CDH12: variants seen among roughly 807,000 people sequenced by gnomAD.
CDH12 encodes the protein cadherin-12.
CDH12 carries 41 observed loss-of-function variants against 74.1 expected under a neutral mutation model. The ratio of observed to expected loss-of-function variants is 0.55; its 90% CI spans 0.43 to 0.72. The LOEUF is 0.72. Among genes scored for constraint, CDH12 ranks in the 30% least tolerant of loss-of-function variants. CDH12 has a pLI of 0.00. For synonymous variants in CDH12, 399 were observed against 355.0 expected, an observed-to-expected ratio of 1.12 and a Z score of -1.39; for missense variants, 945 against 977.2, an observed-to-expected ratio of 0.97 and a Z score of 0.44.
At chr5:22,610,546 C>A (rs1737345187) in intron 1 of CDH12, among the ~76,000 whole-genome samples, 1 of 151,930 alleles carries the variant, frequency 6.6e-6, no homozygotes, top group South Asian at 2.1e-4. Context: ...TTTGTAGAAT[C>A]TCAAAAAATC....
Position 22,682,742 on chromosome 5 carries a change from G to T in CDH12, c.-523+170316C>A, listed in dbSNP as rs576637802. Among the ~76,000 whole-genome samples the T allele has an allele frequency of 2.6e-5, 4 of 151,804 alleles. No individual in the cohort carries two copies. The East Asian group carries it at 7.8e-4, about 29-fold the overall frequency. ...AAAGTGGTTCATTGAGTACACTTAG[G>T]TAAAGAATGAGTTTTCCCTGTAGTT... On this transcript the variant is annotated intron_variant, in intron 1 of 14. Coordinates refer to ENST00000382254, the MANE Select transcript of CDH12 (RefSeq NM_004061.5).
At chr5:22,713,583 T>A (rs1358894420) in intron 1 of CDH12, among the ~76,000 whole-genome samples, 1 of 137,946 alleles carries the variant, frequency 7.2e-6, no homozygotes, top group African/African-American at 2.7e-5. Context: ...CAATACACAC[T>A]GCGTAAGTGT....
chr5:22,237,592 A>G (rs1752602766), intron 3 of CDH12, among the ~76,000 whole-genome samples: 1 of 151,988 alleles, frequency 6.6e-6, no homozygotes, highest in African/African-American at 2.4e-5. Context: ...GCCAGTGCCC[A>G]GCCTCCAGAA....
intron 1 of CDH12, among the ~76,000 whole-genome samples, chr5:22,749,328 G>A (rs1745447440): frequency 6.6e-6 from 1 of 152,186 alleles, no homozygotes; most frequent in Non-Finnish European, 1.5e-5. Flanking sequence ...AAAGCCTATT[G>A]TCTTGAACTA....
chr5:22,115,032 A>G (rs78793794), intron 4 of CDH12, among the ~76,000 whole-genome samples: 2,054 of 152,324 alleles, frequency 0.013, 53 homozygotes, highest in African/African-American at 0.047. Flanking sequence ...TAAAGTTTAC[A>G]TCTTGGTTTC....
At chr5:21,886,540 A>AAT (rs1190095655) in intron 6 of CDH12, among the ~76,000 whole-genome samples, 1 of 146,592 alleles carries the variant, frequency 6.8e-6, no homozygotes, top group African/African-American at 2.5e-5. Context: ...TATTATATAT[A>AAT]ATATATATAA....
At chr5:21,822,908 C>CT (rs1201235254) in intron 8 of CDH12, among the ~76,000 whole-genome samples, 2 of 151,992 alleles carry the variant, frequency 1.3e-5, no homozygotes, top group Non-Finnish European at 2.9e-5. Context: ...TTCCTGTAAA[C>CT]TTTTTTCTAG....
intron 3 of CDH12, among the ~76,000 whole-genome samples, chr5:22,381,113 T>C (rs1479979470): frequency 2.0e-5 from 3 of 152,082 alleles, no homozygotes; most frequent in Non-Finnish European, 2.9e-5. Context: ...AAAATTCTTG[T>C]AGTTGATCAC....
chr5:22,802,618 G>A (rs1748591720), intron 1 of CDH12, among the ~76,000 whole-genome samples: 1 of 151,986 alleles, frequency 6.6e-6, no homozygotes, highest in Admixed American at 6.6e-5. Flanking sequence ...CTATTTGCCA[G>A]GTCGAGGCTT....
chr5:22,720,673 G>A (rs1325386027), intron 1 of CDH12, among the ~76,000 whole-genome samples: 1 of 152,172 alleles, frequency 6.6e-6, no homozygotes, highest in Non-Finnish European at 1.5e-5. Flanking sequence ...ATGTGGGAAA[G>A]TTTGGAGCTT....
chr5:22,530,868 A>AT (rs1737554808), intron 1 of CDH12, among the ~76,000 whole-genome samples: 1 of 152,002 alleles, frequency 6.6e-6, no homozygotes, highest in Non-Finnish European at 1.5e-5. Context: ...TCTAACCTAG[A>AT]TTTTTTCTTA....
At chr5:22,079,166 C>T (rs62349103) in intron 4 of CDH12, among the ~76,000 whole-genome samples, 4 of 152,220 alleles carry the variant, frequency 2.6e-5, no homozygotes, top group Admixed American at 2.0e-4. Flanking sequence ...TTAAAGTGAG[C>T]TATTAAGTTA....
chr5:22,746,472 T>C (rs1259744362), intron 1 of CDH12, among the ~76,000 whole-genome samples: 3 of 152,306 alleles, frequency 2.0e-5, no homozygotes, highest in African/African-American at 7.2e-5. Flanking sequence ...ATGGACATGG[T>C]ATAAACTTAG....
chr5:22,560,581 A>C (rs889126011), intron 1 of CDH12, among the ~76,000 whole-genome samples: 3 of 152,148 alleles, frequency 2.0e-5, no homozygotes, highest in African/African-American at 7.2e-5. Flanking sequence ...TTACCTAAGA[A>C]GATATTTAAA....
intron 1 of CDH12, among the ~76,000 whole-genome samples, chr5:22,732,723 C>A (rs1241245693): frequency 6.6e-6 from 1 of 151,708 alleles, no homozygotes; most frequent in Non-Finnish European, 1.5e-5. Flanking sequence ...CCAAGGAATG[C>A]CAGCTTGCCA....
intron 8 of CDH12, among the ~76,000 whole-genome samples, chr5:21,825,933 A>T (rs148348713): frequency 1.0e-3 from 157 of 152,274 alleles, no homozygotes; most frequent in African/African-American, 3.5e-3. Context: ...ATCATCTGGA[A>T]AGTTAAACAG....
intron 5 of CDH12, among the ~76,000 whole-genome samples, chr5:21,989,431 CT>C (rs1280824672): frequency 1.3e-5 from 2 of 152,094 alleles, no homozygotes; most frequent in African/African-American, 4.8e-5. Context: ...TTTGACCAGA[CT>C]TTTCTCTGTA....
At chr5:22,306,380 G>A (rs1738114984) in intron 3 of CDH12, among the ~76,000 whole-genome samples, 1 of 151,756 alleles carries the variant, frequency 6.6e-6, no homozygotes, top group Non-Finnish European at 1.5e-5. Context: ...AGGGAGGGAA[G>A]GGAGAGAGAG....
At chr5:21,946,452 A>G (rs1352648418) in intron 6 of CDH12, among the ~76,000 whole-genome samples, 1 of 152,208 alleles carries the variant, frequency 6.6e-6, no homozygotes, top group Non-Finnish European at 1.5e-5. Flanking sequence ...CATAGAGGAA[A>G]TATTTAAGAT....
Sources: allele counts gnomAD v4.1 joint callset (sites outside exome capture counted in the v4.1 genomes callset), GRCh38; gene constraint gnomAD v4.1.1; transcripts MANE v1.5; gene names NCBI Gene and HGNC (gene_info 2026-07-23, HGNC 2026-07-21).